Variants in WIZ observed in about 807,000 individuals in gnomAD.
WIZ encodes the protein WIZ zinc finger, also known as protein Wiz.
In WIZ, 25 loss-of-function variants were observed where a neutral mutation model predicts 140.2. The observed-to-expected ratio is 0.18, with a 90% confidence interval of 0.13 to 0.25. The LOEUF (loss-of-function observed/expected upper bound fraction) is 0.25, where lower values mean the gene tolerates loss of function less well. Ranked by LOEUF, WIZ falls within the 10% of genes least tolerant of loss-of-function variation. The probability of loss-of-function intolerance (pLI) is 1.00; values close to 1 mark genes in which losing one functional copy is unlikely to be tolerated. For synonymous variants in WIZ, 1,125 were observed against 1,154.3 expected, an observed-to-expected ratio of 0.97 and a Z score of 0.51; for missense variants, 2,231 against 2,632.6, an observed-to-expected ratio of 0.85 and a Z score of 3.34.
At chr19:15,433,319 A>G in intron 5 of WIZ, 1 of 985,398 alleles carries the variant, frequency 1.0e-6, no homozygotes, top group African/African-American at 1.7e-5. Context: ...CTGTTCCTTG[A>G]CAGTTGGGTG....
Position 15,438,595 on chromosome 19 carries a change from T to C in WIZ, c.2399A>G (p.Gln800Arg), listed in dbSNP as rs1199411062. The C allele has an allele frequency of 6.6e-7, 1 of 1,508,604 alleles. No homozygotes were observed. The highest frequency in any genetic ancestry group is 1.2e-5 in the South Asian group (1 of 83,174). 93.5% of individuals were successfully genotyped at this position (1,508,604 alleles called of 1,614,324 possible). A position where few individuals can be genotyped will look rare whatever the true frequency, so the allele number is the denominator to read the frequency against. The change falls in exon 4 of 13, where the codon CAG becomes CGG. Residue 800 changes from glutamine (Q) to arginine (R), a missense_variant. This residue lies in a region of WIZ where 118 missense variants were observed against 209.1 expected (regional missense o/e 0.56). Transcript: ENST00000673675. ...TGCCCTACCTTTTTTCTTCTTCTTC[T>C]GGAAGGAGAACCTGCGCTCAATGGC... Reference protein sequence around the residue: ...VKAIERRFSFQKKKKKVANFD... With the variant: ...VKAIERRFSFRKKKKKVANFD...
At position 15,438,748 on chromosome 19, in the gene WIZ, C is replaced by T. The variant is rs1245675086; in HGVS notation, c.2246G>A (p.Arg749Gln). 6 of 1,535,682 alleles carry T rather than the reference C, an allele frequency of 3.9e-6. No homozygotes were observed. Among genetic ancestry groups the T allele is most frequent in the African/African-American group, 2.7e-5 (2 of 73,060 alleles). Residue 749 changes from arginine (R) to glutamine (Q), a missense_variant, in exon 4 of 13, where the codon CGG (arginine) becomes CAG (glutamine). Coordinates refer to ENST00000673675, the MANE Select transcript of WIZ (RefSeq NM_001371589.1). The part of the protein sequence containing the change: ...DPAMALKHEE[R>Q]KCPYCPDRFH... ...GCGATCGGGGCAGTAGGGGCATTTC[C>T]GCTCCTCGTGCTTCAGTGCCATGGC...
rs1968456987 is a variant in WIZ, at chr19:15,422,898, G to A, written c.*178C>T. On this transcript the variant is annotated 3_prime_UTR_variant, in exon 13 of 13. Transcript: ENST00000673675. ...CCCAGAGTCCTCGGGCTGGGGGAAG[G>A]GCAGCTAGCTGGCTCCCGGCGCCCT... The A allele has an allele frequency of 1.1e-6, 1 of 895,548 alleles. No individual in the cohort carries two copies. Among genetic ancestry groups the A allele is most frequent in the Non-Finnish European group, 1.6e-6 (1 of 610,510 alleles). 55.5% of individuals were successfully genotyped at this position (895,548 alleles called of 1,614,324 possible). A position where few individuals can be genotyped will look rare whatever the true frequency, so the allele number is the denominator to read the frequency against.
chr19:15,445,515 A>G (rs995670905), intron 2 of WIZ, among the ~76,000 whole-genome samples: 1 of 152,126 alleles, frequency 6.6e-6, no homozygotes. Context: ...CGATGTCTCA[A>G]GGGGGAAGCT....
In WIZ at chr19:15,440,475, A is replaced by G; in HGVS notation, c.519T>C (p.Leu173=). The G allele has an allele frequency of 6.5e-7, 1 of 1,536,008 alleles. No homozygotes were observed. The highest frequency in any genetic ancestry group is 8.7e-7 in the Non-Finnish European group (1 of 1,146,874). ...RFLHHRGEPR[L]LEKHAQGRPR... ...GGCGGCCCTGGGCATGTTTCTCCAA[A>G]AGCCTTGGTTCCCCCCGGTGGTGTA... Residue 173 remains leucine, a synonymous_variant, in exon 4 of 13, where the codon CTT becomes CTC. Transcript: ENST00000673675. This position sits in a 1 kb window ranked among gnomAD's most constrained non-coding sequence, Gnocchi z 6.2.
rs958938745 is a variant in WIZ, at chr19:15,442,202, A to G, written c.278+474T>C. Among the ~76,000 whole-genome samples the G allele has an allele frequency of 6.7e-6, 1 of 149,808 alleles. No homozygotes were observed. The highest frequency in any genetic ancestry group is 2.5e-5 in the African/African-American group (1 of 40,608). On this transcript the variant is annotated intron_variant, in intron 3 of 12. Coordinates refer to ENST00000673675, the MANE Select transcript of WIZ (RefSeq NM_001371589.1). The surrounding 1 kb of genome is among the most constrained non-coding windows in gnomAD (Gnocchi z 5.5). ...ACTTTCTCAAAAAAAAAAAAAAAAG[A>G]TGACTATGACTTATTAGCACCTGCC... is the stretch of plus-strand genomic sequence containing the variant.
chr19:15,431,650 G>A (rs1017725872), intron 5 of WIZ, among the ~76,000 whole-genome samples: 8 of 152,218 alleles, frequency 5.3e-5, no homozygotes, highest in Non-Finnish European at 1.2e-4. Context: ...GCACTTGTGA[G>A]GAATCTCCAC....
In WIZ at chr19:15,432,397, T is replaced by C. The variant is rs1969309848; in HGVS notation, c.2741-1215A>G. The C allele has an allele frequency of 1.4e-5, 14 of 980,834 alleles. No individual in the cohort carries two copies. The South Asian group carries it at 5.0e-4, about 35-fold the overall frequency. The allele number at this position is 980,834 out of a possible 1,614,324, so 60.8% of individuals were successfully genotyped here. On this transcript the variant is annotated intron_variant, in intron 5 of 12. Transcript: ENST00000673675. ...GGCACCGGCAGGCGGGATTCCGACCTTCCCCTCCCCACACCCTCCCAAGCG... is the reference window on the plus strand; with the variant it reads ...GGCACCGGCAGGCGGGATTCCGACCCTCCCCTCCCCACACCCTCCCAAGCG...
Position 15,440,073 on chromosome 19 carries a change from GTCCTCA to G in WIZ, c.915_920del (p.Asp309_Glu310del). 6.5e-7 allele frequency: 1 copy of G among 1,535,676 alleles called. No homozygotes were observed. Among genetic ancestry groups the G allele is most frequent in the East Asian group, 2.4e-5 (1 of 40,888 alleles). On this transcript the variant is annotated inframe_deletion, in exon 4 of 13. Coordinates refer to ENST00000673675, the MANE Select transcript of WIZ (RefSeq NM_001371589.1). This position sits in a 1 kb window ranked among gnomAD's most constrained non-coding sequence, Gnocchi z 6.2. ...GGAACACGGCCGGCTCCTCGTCCTC[GTCCTCA>G]TCTGGGCTGGCCACCCCTTCGGCCA...
rs1479754726 is a variant in WIZ, at chr19:15,440,139, C to T, written c.855G>A (p.Arg285=). ...GCAGCTCACACAGGTAGGGCCCGGT[C>T]CGGATCGGGGGCAGTAGCGGCTGCA... ...ERLQPLLPPI[R]TGPYLCELLE... The change falls in exon 4 of 13, where the codon CGG becomes CGA. Residue 285 remains arginine (R), a synonymous_variant. Coordinates refer to ENST00000673675, the MANE Select transcript of WIZ (RefSeq NM_001371589.1). The surrounding 1 kb of genome is among the most constrained non-coding windows in gnomAD (Gnocchi z 6.2). 2.0e-6 allele frequency: 3 copies of T among 1,532,856 alleles called. No homozygotes were observed. The highest frequency in any genetic ancestry group is 2.4e-5 in the East Asian group (1 of 40,890). 95.0% of individuals were successfully genotyped at this position (1,532,856 alleles called of 1,614,324 possible).
chr19:15,432,476 C>G, intron 5 of WIZ: 1 of 976,542 alleles, frequency 1.0e-6, no homozygotes, highest in Non-Finnish European at 1.2e-6. Flanking sequence ...GGCTCCGGCT[C>G]GGCCTTGGGC....
At chr19:15,434,100 C>CA (rs992578500) in intron 5 of WIZ, among the ~76,000 whole-genome samples, 6 of 151,188 alleles carry the variant, frequency 4.0e-5, no homozygotes, top group Middle Eastern at 3.4e-3. Context: ...ACTAAAAATA[C>CA]AAAAAAAATT....
Position 15,422,517 on chromosome 19 carries a change from G to A in WIZ, c.*559C>T, listed in dbSNP as rs1968433347. On this transcript the variant is annotated 3_prime_UTR_variant, in exon 13 of 13. Coordinates refer to ENST00000673675, the MANE Select transcript of WIZ (RefSeq NM_001371589.1). ...TTGTGGGCTCAGTGGGGGGCTCCCA[G>A]GCCCCAGCAGGCCCCACAGAGGGAG... The A allele has an allele frequency of 6.6e-6, 1 of 152,322 alleles. No individual in the cohort carries two copies. The highest frequency in any genetic ancestry group is 2.4e-5 in the African/African-American group (1 of 41,450). 9.4% of individuals were successfully genotyped at this position (152,322 alleles called of 1,614,324 possible).
At position 15,420,679 on chromosome 19, in the gene WIZ, G is replaced by A. The variant is rs1000907276; in HGVS notation, c.*2397C>T. 2 of 152,232 alleles carry A rather than the reference G, an allele frequency of 1.3e-5. No homozygotes were observed. The highest frequency in any genetic ancestry group is 2.4e-5 in the African/African-American group (1 of 41,448). The allele number at this position is 152,232 out of a possible 1,614,324, so 9.4% of individuals were successfully genotyped here. A position where few individuals can be genotyped will look rare whatever the true frequency, so the allele number is the denominator to read the frequency against. On this transcript the variant is annotated 3_prime_UTR_variant, in exon 13 of 13. Coordinates refer to ENST00000673675, the MANE Select transcript of WIZ (RefSeq NM_001371589.1). ...GAAAGTTTTAGGAAAACATCCCCCT[G>A]CAAGAACTGGAGGTGACTCTTCCAA...
At chr19:15,429,559 C>T in intron 7 of WIZ, 27 bp downstream of exon 7, 1 of 1,331,564 alleles carries the variant, frequency 7.5e-7, no homozygotes, top group Non-Finnish European at 9.6e-7. Flanking sequence ...GCCAGAACCT[C>T]CCTCGGCTCT....
rs1211071986 is a variant in WIZ, at chr19:15,448,322, T to C, written c.-15A>G. 1.2e-6 allele frequency: 2 copies of C among 1,610,190 alleles called. No individual in the cohort carries two copies. Among genetic ancestry groups the C allele is most frequent in the East Asian group, 4.5e-5 (2 of 44,862 alleles). On this transcript the variant is annotated 5_prime_UTR_variant, in exon 2 of 13. Coordinates refer to ENST00000673675, the MANE Select transcript of WIZ (RefSeq NM_001371589.1). The stretch of plus-strand genomic sequence containing the variant: ...GACCCCTCCATCGGATTTTCTCTGC[T>C]TGGATCCACTCAGCTGCTGCACCGG...
chr19:15,425,214 C>T, intron 10 of WIZ, 27 bp downstream of exon 10: 1 of 1,558,342 alleles, frequency 6.4e-7, no homozygotes, highest in South Asian at 1.2e-5. Context: ...CGGTCGCCCT[C>T]CCAGGACCCT....
chr19:15,420,451 G>C lies in WIZ; in HGVS notation c.*2625C>G, dbSNP rs141523650. The C allele has an allele frequency of 7.3e-4, 111 of 152,332 alleles. No individual in the cohort carries two copies. The highest frequency in any genetic ancestry group is 2.6e-3 in the African/African-American group (108 of 41,572). The allele number at this position is 152,332 out of a possible 1,614,324, so 9.4% of individuals were successfully genotyped here. A position where few individuals can be genotyped will look rare whatever the true frequency, so the allele number is the denominator to read the frequency against. On this transcript the variant is annotated 3_prime_UTR_variant, in exon 13 of 13. Coordinates refer to ENST00000673675, the MANE Select transcript of WIZ (RefSeq NM_001371589.1). ...CTCCCCATCAGCCTCAGGGATGCCT[G>C]CCTGTCTTCCAAACCAAGGCAGGGC... is the stretch of plus-strand genomic sequence containing the variant.
chr19:15,440,060 G>A lies in WIZ; in HGVS notation c.934C>T (p.Pro312Ser), dbSNP rs1969675378. 18 of 1,535,850 alleles carry A rather than the reference G, an allele frequency of 1.2e-5. No homozygotes were observed. Among genetic ancestry groups the A allele is most frequent in the Non-Finnish European group, 1.6e-5 (18 of 1,146,770 alleles). ...CACTCGATGCATGGGAACACGGCCG[G>A]CTCCTCGTCCTCGTCCTCATCTGGG... ...ASPDEDEDEE[P>S]AVFPCIECSI... The change falls in exon 4 of 13, where the codon CCG becomes TCG. Residue 312 changes from proline (P) to serine (S), a missense_variant. Pro to Ser is a moderately conservative substitution (Grantham distance 74). This residue lies in a region of WIZ where 307 missense variants were observed against 294.1 expected (regional missense o/e 1.04). Coordinates refer to ENST00000673675, the MANE Select transcript of WIZ (RefSeq NM_001371589.1). The surrounding 1 kb of genome is among the most constrained non-coding windows in gnomAD (Gnocchi z 6.2).
Sources: allele counts gnomAD v4.1 joint callset (sites outside exome capture counted in the v4.1 genomes callset), GRCh38; gene constraint gnomAD v4.1.1; regional missense constraint gnomAD v4.1.1; non-coding constraint Gnocchi (gnomAD v3.1); transcripts MANE v1.5; gene names NCBI Gene and HGNC (gene_info 2026-07-23, HGNC 2026-07-21).